FRMPD1: variants seen among roughly 807,000 people sequenced by gnomAD.
FRMPD1 encodes FERM and PDZ domain containing 1.
Under a neutral mutation model 117.8 loss-of-function variants are expected in FRMPD1, and 76 were observed. The ratio of observed to expected loss-of-function variants is 0.65; its 90% CI spans 0.54 to 0.78. The LOEUF (loss-of-function observed/expected upper bound fraction) is 0.78. Among genes scored for constraint, FRMPD1 ranks in the 30% least tolerant of loss-of-function variants. The probability of loss-of-function intolerance (pLI) is 0.00; values close to 1 mark genes in which losing one functional copy is unlikely to be tolerated. For missense variants in FRMPD1, 1,786 were observed against 1,964.5 expected (o/e 0.91, Z 1.72); for synonymous variants, 783 against 770.4 (o/e 1.02, Z -0.27).
intron 14 of FRMPD1, among the ~76,000 whole-genome samples, chr9:37,738,350 A>AT (rs1352876017): frequency 3.3e-5 from 5 of 151,468 alleles, no homozygotes; most frequent in African/African-American, 1.2e-4. Context: ...TTTTATTTTT[A>AT]TTTTTTTTAG....
intron 1 of FRMPD1, among the ~76,000 whole-genome samples, chr9:37,659,565 AC>A (rs1820934767): frequency 6.6e-6 from 1 of 152,182 alleles, no homozygotes; most frequent in Non-Finnish European, 1.5e-5. Context: ...GGAAGATCCC[AC>A]AGTGAATGTG....
At chr9:37,711,261 T>A in intron 4 of FRMPD1, 89 bp from the exon 5 acceptor site, 1 of 886,420 alleles carries the variant, frequency 1.1e-6, no homozygotes, top group Non-Finnish European at 1.9e-6. Context: ...TTTTTGACCC[T>A]AACACACATG....
chr9:37,699,321 C>CTCT (rs778478529), intron 2 of FRMPD1, among the ~76,000 whole-genome samples: 19,361 of 137,788 alleles, frequency 0.14, 1,537 homozygotes, highest in Middle Eastern at 0.2. Flanking sequence ...CTGTCTCTCT[C>CTCT]TTTTTTTTTT....
chr9:37,707,395 T>C (rs2296557), intron 2 of FRMPD1, 21 bp from the exon 3 acceptor site: 367,789 of 1,606,794 alleles, frequency 0.23, 45,182 homozygotes, highest in Non-Finnish European at 0.26. Flanking sequence ...TTCTCTTTTT[T>C]ACATACTCCT....
At chr9:37,628,974 G>A in the FRMPD1 span, among the ~76,000 whole-genome samples, 16 of 152,336 alleles carry the variant, frequency 1.1e-4, no homozygotes, top group Middle Eastern at 6.8e-3. Flanking sequence ...CAAGGCAGAC[G>A]GATCACCTCA....
At chr9:37,711,232 T>G (rs1822897836) in intron 4 of FRMPD1, 118 bp from the exon 5 acceptor site, 2 of 744,884 alleles carry the variant, frequency 2.7e-6, no homozygotes, top group Non-Finnish European at 4.8e-6. Context: ...GAGGCTGCTT[T>G]ATACTCATTC....
Position 37,732,290 on chromosome 9 carries a change from T to C in FRMPD1, c.859-14T>C, listed in dbSNP as rs752123756. ...TGCTTTTGTTTCCCATCTGCTCTATTTAATCTCTTCTAGAGCTGCAGCGAT... is the reference window on the plus strand; with the variant it reads ...TGCTTTTGTTTCCCATCTGCTCTATCTAATCTCTTCTAGAGCTGCAGCGAT... On this transcript the variant is annotated splice_polypyrimidine_tract_variant and intron_variant, in intron 9 of 15. Transcript: ENST00000377765. 2 of 1,612,398 alleles carry C rather than the reference T, an allele frequency of 1.2e-6. No individual in the cohort carries two copies. The highest frequency in any genetic ancestry group is 1.7e-6 in the Non-Finnish European group (2 of 1,179,712).
intron 2 of FRMPD1, among the ~76,000 whole-genome samples, chr9:37,699,115 A>G (rs1588938732): frequency 6.6e-6 from 1 of 151,662 alleles, no homozygotes; most frequent in African/African-American, 2.4e-5. Context: ...CAAGTGATCC[A>G]CTGGCCTCAG....
At chr9:37,681,665 G>T (rs542953791) in intron 1 of FRMPD1, among the ~76,000 whole-genome samples, 5 of 152,282 alleles carry the variant, frequency 3.3e-5, no homozygotes, top group Middle Eastern at 3.4e-3. Context: ...GGCTTAGAAG[G>T]TTCCATAGTT....
At position 37,708,595 on chromosome 9, in the gene FRMPD1, A is replaced by C. The variant is rs755879476; in HGVS notation, c.362+94A>C. 29 of 787,316 alleles carry C rather than the reference A, an allele frequency of 3.7e-5. No homozygotes were observed. In the African/African-American group the frequency reaches 4.8e-4, roughly 13 times the overall value. The allele number at this position is 787,316 out of a possible 1,614,324, so 48.8% of individuals were successfully genotyped here. On this transcript the variant is annotated intron_variant, in intron 4 of 15. Coordinates refer to ENST00000377765, the MANE Select transcript of FRMPD1 (RefSeq NM_014907.3). ...ATGGCATAACTGATCCCCTGATTTT[A>C]ATAAGGCTAAGTCTCCTTTAAAGCA...
At chr9:37,718,996 G>T in intron 5 of FRMPD1, 73 bp from the exon 6 acceptor site, 2 of 881,558 alleles carry the variant, frequency 2.3e-6, no homozygotes, top group South Asian at 2.7e-5. Context: ...CTGTTTTTAA[G>T]AAATGAGAAG....
intron 2 of FRMPD1, among the ~76,000 whole-genome samples, chr9:37,706,028 C>A (rs1822693760): frequency 6.6e-6 from 1 of 151,532 alleles, no homozygotes; most frequent in Non-Finnish European, 1.5e-5. Context: ...TCAGGAAGAG[C>A]TATGGGCTTT....
chr9:37,663,963 G>C (rs188688670), intron 1 of FRMPD1, among the ~76,000 whole-genome samples: 5 of 152,314 alleles, frequency 3.3e-5, no homozygotes, highest in Non-Finnish European at 5.9e-5. Flanking sequence ...AATATTTTCA[G>C]TTCAAGTTTG....
At chr9:37,673,827 C>T (rs1821436110) in intron 1 of FRMPD1, among the ~76,000 whole-genome samples, 1 of 152,274 alleles carries the variant, frequency 6.6e-6, no homozygotes, top group Admixed American at 6.5e-5. Flanking sequence ...TCAGCCATGG[C>T]TGGAGCAGCT....
At chr9:37,641,231 G>A in the FRMPD1 span, among the ~76,000 whole-genome samples, 65 of 152,128 alleles carry the variant, frequency 4.3e-4, 1 homozygote, top group Middle Eastern at 6.8e-3. Context: ...CAGTCAATTT[G>A]CCTAAAAAAG....
At chr9:37,724,796 T>A (rs1053910794) in intron 7 of FRMPD1, among the ~76,000 whole-genome samples, 5 of 152,174 alleles carry the variant, frequency 3.3e-5, no homozygotes, top group African/African-American at 1.2e-4. Context: ...CTGAGCTTAG[T>A]CAGGGGTGGT....
At chr9:37,627,372 A>G in the FRMPD1 span, among the ~76,000 whole-genome samples, 1 of 152,194 alleles carries the variant, frequency 6.6e-6, no homozygotes. Context: ...CTTGCTCTTT[A>G]TATCTCTGGC....
intron 2 of FRMPD1, chr9:37,693,084 A>G (rs1822203597): frequency 3.9e-6 from 1 of 254,468 alleles, no homozygotes. Context: ...TCATACATAC[A>G]CTCTTTTGAT....
the FRMPD1 span, among the ~76,000 whole-genome samples, chr9:37,605,610 G>A: frequency 6.6e-6 from 1 of 152,176 alleles, no homozygotes; most frequent in Admixed American, 6.5e-5. Context: ...TTTGGAAATT[G>A]CCTTAGGACC....
Sources: gnomAD v4.1 joint callset for allele counts (sites outside exome capture counted in the v4.1 genomes callset) on GRCh38, gnomAD v4.1.1 for gene constraint, MANE v1.5 for transcripts, NCBI Gene and HGNC (gene_info 2026-07-23, HGNC 2026-07-21) for gene names.